GALNT13: variants seen among roughly 807,000 people sequenced by gnomAD.
GALNT13 encodes the protein UDP-GalNAc:polypeptide N-acetylgalactosaminyltransferase 13.
A neutral mutation model predicts 64.2 loss-of-function variants in GALNT13; 28 were observed. That is an observed-to-expected ratio of 0.44 (90% CI 0.32 to 0.60). The LOEUF is 0.60. GALNT13 is among the 20% of genes least tolerant of loss of function. The pLI is 0.05. For missense variants in GALNT13, 577 were observed against 669.8 expected (o/e 0.86, Z 1.53); for synonymous variants, 214 against 224.6 (o/e 0.95, Z 0.42).
chr2:154,071,258 A>G (rs1428852995), intron 3 of GALNT13, among the ~76,000 whole-genome samples: 2 of 152,120 alleles, frequency 1.3e-5, no homozygotes, highest in Admixed American at 6.6e-5. Context: ...CATAACTGAC[A>G]TCTATTTATT....
At chr2:153,667,069 C>G in the GALNT13 span, among the ~76,000 whole-genome samples, 1 of 151,910 alleles carries the variant, frequency 6.6e-6, no homozygotes, top group Non-Finnish European at 1.5e-5. Flanking sequence ...CAACTCACTT[C>G]AGTCAGAAAA....
chr2:153,113,532 T>G, the GALNT13 span, among the ~76,000 whole-genome samples: 1 of 152,004 alleles, frequency 6.6e-6, no homozygotes, highest in South Asian at 2.1e-4. Flanking sequence ...ATATGAAATA[T>G]CTGGCAGAAC....
the GALNT13 span, among the ~76,000 whole-genome samples, chr2:153,682,134 G>A: frequency 6.6e-6 from 1 of 151,668 alleles, no homozygotes; most frequent in Non-Finnish European, 1.5e-5. Context: ...GATCACCTGA[G>A]TACATGTTTG....
the GALNT13 span, among the ~76,000 whole-genome samples, chr2:153,270,859 A>G: frequency 1.6e-3 from 246 of 152,272 alleles, 5 homozygotes; most frequent in East Asian, 0.042. Context: ...TCAATAAAAA[A>G]CAAAAACAAT....
chr2:153,118,048 C>T, the GALNT13 span, among the ~76,000 whole-genome samples: 2 of 148,810 alleles, frequency 1.3e-5, no homozygotes, highest in South Asian at 2.2e-4. Context: ...CCAGTCAATC[C>T]TTCACATTGA....
chr2:154,434,897 ATTTAT>A (rs1437924594), intron 11 of GALNT13, among the ~76,000 whole-genome samples: 1 of 152,232 alleles, frequency 6.6e-6, no homozygotes, highest in Non-Finnish European at 1.5e-5. Flanking sequence ...AATAGAGCAA[ATTTAT>A]TTAATGTAAT....
the GALNT13 span, among the ~76,000 whole-genome samples, chr2:153,816,374 C>T: frequency 6.6e-6 from 1 of 151,628 alleles, no homozygotes; most frequent in Admixed American, 6.6e-5. Flanking sequence ...TCCAGAAGTA[C>T]CAGGAAAGTC....
intron 9 of GALNT13, among the ~76,000 whole-genome samples, chr2:154,367,073 TA>T (rs1288624479): frequency 1.2e-4 from 19 of 152,040 alleles, no homozygotes; most frequent in African/African-American, 3.6e-4. Flanking sequence ...ACTCCTTTTT[TA>T]AAAAAAAATT....
the GALNT13 span, among the ~76,000 whole-genome samples, chr2:153,553,621 A>G: frequency 9.9e-5 from 15 of 152,246 alleles, no homozygotes; most frequent in African/African-American, 3.6e-4. Flanking sequence ...GAATATTCCT[A>G]TGGTAGAGTT....
chr2:153,189,049 C>G, the GALNT13 span, among the ~76,000 whole-genome samples: 26 of 152,270 alleles, frequency 1.7e-4, no homozygotes, highest in African/African-American at 6.3e-4. Context: ...ACTCTACCAT[C>G]AAACATTAGA....
intron 9 of GALNT13, among the ~76,000 whole-genome samples, chr2:154,358,785 C>A (rs1696896398): frequency 1.3e-5 from 2 of 152,036 alleles, no homozygotes; most frequent in South Asian, 4.1e-4. Flanking sequence ...TAGATACTTG[C>A]CACGTACAGT....
chr2:153,826,219 G>T, the GALNT13 span, among the ~76,000 whole-genome samples: 1 of 152,124 alleles, frequency 6.6e-6, no homozygotes, highest in Non-Finnish European at 1.5e-5. Flanking sequence ...ACATGATGAG[G>T]GGGCTGAACA....
At chr2:153,667,597 G>C in the GALNT13 span, among the ~76,000 whole-genome samples, 3 of 152,194 alleles carry the variant, frequency 2.0e-5, no homozygotes, top group South Asian at 2.1e-4. Context: ...GTTACTGCCA[G>C]ATCTTCCTAA....
the GALNT13 span, among the ~76,000 whole-genome samples, chr2:153,792,088 A>T: frequency 2.0e-5 from 3 of 152,212 alleles, no homozygotes; most frequent in South Asian, 2.1e-4. Context: ...TGGAAAAAAA[A>T]TAAATATTGT....
chr2:153,595,198 G>T, the GALNT13 span, among the ~76,000 whole-genome samples: 2 of 151,724 alleles, frequency 1.3e-5, no homozygotes, highest in Non-Finnish European at 2.9e-5. Flanking sequence ...GATTTGAAGT[G>T]TTAATAGTAT....
At chr2:154,263,532 A>T (rs761969252) in intron 8 of GALNT13, among the ~76,000 whole-genome samples, 6 of 152,172 alleles carry the variant, frequency 3.9e-5, no homozygotes, top group African/African-American at 9.7e-5. Context: ...AAGTCATTTA[A>T]ACCCAGAAAT....
chr2:153,872,025 G>C lies in GALNT13; in HGVS notation c.-455G>C, dbSNP rs981031695. On this transcript the variant is annotated 5_prime_UTR_variant, in exon 1 of 13. Coordinates refer to ENST00000392825, the MANE Select transcript of GALNT13 (RefSeq NM_052917.4). ...CGTCCGCTCTGGCCGCGCTCGAGGAGCCCTTCAGCCCGCCGCTGCGCTATG... is the reference window on the plus strand; with the variant it reads ...CGTCCGCTCTGGCCGCGCTCGAGGACCCCTTCAGCCCGCCGCTGCGCTATG... 8.5e-5 allele frequency: 13 copies of C among 152,268 alleles called. No individual in the cohort carries two copies. Among genetic ancestry groups the C allele is most frequent in the Admixed American group, 2.6e-4 (4 of 15,282 alleles). 9.4% of individuals were successfully genotyped at this position (152,268 alleles called of 1,614,324 possible).
chr2:153,400,984 C>T, the GALNT13 span, among the ~76,000 whole-genome samples: 1 of 151,044 alleles, frequency 6.6e-6, no homozygotes, highest in East Asian at 2.0e-4. Flanking sequence ...CATGTGTTTG[C>T]TCTTGGTTTT....
chr2:153,312,366 G>A, the GALNT13 span, among the ~76,000 whole-genome samples: 1 of 152,268 alleles, frequency 6.6e-6, no homozygotes, highest in Non-Finnish European at 1.5e-5. Context: ...AATGATGGAG[G>A]CTTTTTTCAA....
Sources: allele counts gnomAD v4.1 joint callset (sites outside exome capture counted in the v4.1 genomes callset), GRCh38; gene constraint gnomAD v4.1.1; transcripts MANE v1.5; gene names NCBI Gene and HGNC (gene_info 2026-07-23, HGNC 2026-07-21).